TSHZ3: variants seen among roughly 807,000 people sequenced by gnomAD.
TSHZ3 encodes the protein teashirt homolog 3.
A neutral mutation model predicts 64.5 loss-of-function variants in TSHZ3; 10 were observed. The ratio of observed to expected loss-of-function variants is 0.16; its 90% confidence interval spans 0.10 to 0.26. The LOEUF (loss-of-function observed/expected upper bound fraction) is 0.26. Among genes scored for constraint, TSHZ3 ranks in the 10% least tolerant of loss-of-function variants. The pLI, the probability that TSHZ3 is intolerant of heterozygous loss-of-function variation, is 1.00. For synonymous variants in TSHZ3, 608 were observed against 593.1 expected (o/e 1.03, Z -0.36); for missense variants, 1,242 against 1,421.7 (o/e 0.87, Z 2.03).
At chr19:31,338,463 G>A (rs1474499143) in intron 1 of TSHZ3, among the ~76,000 whole-genome samples, 2 of 152,072 alleles carry the variant, frequency 1.3e-5, no homozygotes, top group South Asian at 2.1e-4. Flanking sequence ...TTCCTGAGAC[G>A]TGGAAGTCTT....
rs779231871 is a variant in TSHZ3 at position 31,276,735 on chromosome 19, G to C, written c.3058C>G (p.Gln1020Glu). 6.2e-7 allele frequency: 1 copy of C among 1,613,632 alleles called. No individual in the cohort carries two copies. The highest frequency in any genetic ancestry group is 1.1e-5 in the South Asian group (1 of 91,080). Residue 1020 changes from glutamine (Q) to glutamate (E), a missense_variant, in exon 2 of 2, where the codon CAA becomes GAA. Coordinates refer to ENST00000240587, the MANE Select transcript of TSHZ3 (RefSeq NM_020856.4). The stretch of plus-strand genomic sequence containing the variant: ...ATTTTTTCTGACGGTGACTTGGTTT[G>C]TGCTATCTGACTGTTAATCTGTTCG... ...STEQINSQIA[Q>E]TKSPSEKMVT...
intron 4 of TSHZ3, among the ~76,000 whole-genome samples, chr19:31,208,127 A>G (rs1444482683): frequency 6.6e-6 from 1 of 152,226 alleles, no homozygotes; most frequent in Admixed American, 6.5e-5. Context: ...ATGTTCCTCC[A>G]TCATATGGAG....
chr19:31,348,828 C>T (rs1436191513), intron 1 of TSHZ3: 4 of 257,036 alleles, frequency 1.6e-5, no homozygotes, highest in Non-Finnish European at 2.9e-5. Flanking sequence ...GAAGATGTCC[C>T]GGGGAACTCA....
intron 1 of TSHZ3, among the ~76,000 whole-genome samples, chr19:31,316,709 T>C (rs1263072956): frequency 6.6e-6 from 1 of 152,070 alleles, no homozygotes; most frequent in African/African-American, 2.4e-5. Context: ...GAAGGAAATG[T>C]TCAAGTGTCT....
chr19:31,182,355 A>G (rs1415700690), intron 5 of TSHZ3, among the ~76,000 whole-genome samples: 1 of 152,188 alleles, frequency 6.6e-6, no homozygotes, highest in Non-Finnish European at 1.5e-5. Context: ...AATCCCTCAG[A>G]CAATAATCCT....
At chr19:31,325,427 T>C (rs1236089318) in intron 1 of TSHZ3, among the ~76,000 whole-genome samples, 1 of 152,216 alleles carries the variant, frequency 6.6e-6, no homozygotes, top group African/African-American at 2.4e-5. Context: ...ATACAGGGAT[T>C]CATATGCTTT....
chr19:31,293,458 C>T (rs996675188), intron 1 of TSHZ3, among the ~76,000 whole-genome samples: 1 of 152,212 alleles, frequency 6.6e-6, no homozygotes. Flanking sequence ...GATAACTTTC[C>T]TTTGATCTTG....
intron 1 of TSHZ3, among the ~76,000 whole-genome samples, chr19:31,332,211 T>C (rs1194947759): frequency 1.3e-5 from 2 of 152,284 alleles, no homozygotes; most frequent in East Asian, 1.9e-4. Context: ...AACTTTATTA[T>C]TACATCTGGA....
chr19:31,188,134 A>G (rs1974842483), intron 5 of TSHZ3, among the ~76,000 whole-genome samples: 1 of 151,144 alleles, frequency 6.6e-6, no homozygotes, highest in Non-Finnish European at 1.5e-5. Flanking sequence ...TATTTTCTTA[A>G]GTATTTTTAT....
At chr19:31,343,235 TA>T (rs1917488047) in intron 1 of TSHZ3, among the ~76,000 whole-genome samples, 1 of 152,202 alleles carries the variant, frequency 6.6e-6, no homozygotes, top group South Asian at 2.1e-4. Flanking sequence ...ATTAATAATT[TA>T]TCATTAAGCC....
chr19:31,257,032 T>C (rs993396257), intron 1 of TSHZ3, among the ~76,000 whole-genome samples: 5 of 152,164 alleles, frequency 3.3e-5, no homozygotes, highest in Admixed American at 2.6e-4. Context: ...TCAGTCCTGT[T>C]GACAGCTGTG....
At chr19:31,179,328 A>C (rs2145124052) in intron 5 of TSHZ3, among the ~76,000 whole-genome samples, 1 of 152,330 alleles carries the variant, frequency 6.6e-6, no homozygotes, top group African/African-American at 2.4e-5. Context: ...GCCACTGTCC[A>C]TGGTGGCCCA....
At chr19:31,294,701 T>C (rs560530480) in intron 1 of TSHZ3, among the ~76,000 whole-genome samples, 2 of 152,210 alleles carry the variant, frequency 1.3e-5, no homozygotes, top group Non-Finnish European at 1.5e-5. Context: ...TATTGACTGG[T>C]TGGCATCACA....
chr19:31,239,205 A>G (rs1352410476), intron 3 of TSHZ3, among the ~76,000 whole-genome samples: 1 of 152,006 alleles, frequency 6.6e-6, no homozygotes, highest in Admixed American at 6.5e-5. Flanking sequence ...TATCCTTCCT[A>G]CAATTGCTAT....
At chr19:31,188,067 G>A (rs1371044100) in intron 5 of TSHZ3, among the ~76,000 whole-genome samples, 1 of 151,552 alleles carries the variant, frequency 6.6e-6, no homozygotes, top group East Asian at 1.9e-4. Context: ...ATTTATTTAG[G>A]TCTTCTTTAA....
At chr19:31,250,889 C>T (rs1975831028) in intron 1 of TSHZ3, among the ~76,000 whole-genome samples, 1 of 152,150 alleles carries the variant, frequency 6.6e-6, no homozygotes, top group Non-Finnish European at 1.5e-5. Context: ...AGTATCTCCT[C>T]GTGGGAAGAG....
At chr19:31,305,331 A>G (rs973937331) in intron 1 of TSHZ3, among the ~76,000 whole-genome samples, 3 of 151,388 alleles carry the variant, frequency 2.0e-5, no homozygotes, top group Non-Finnish European at 2.9e-5. Context: ...AAAAAAAAAA[A>G]GCCGCGTGTC....
chr19:31,224,908 C>T (rs1283787086), intron 4 of TSHZ3, among the ~76,000 whole-genome samples: 1 of 152,160 alleles, frequency 6.6e-6, no homozygotes, highest in Non-Finnish European at 1.5e-5. Context: ...TGGCAAATTA[C>T]CAGCCAGGAT....
intron 1 of TSHZ3, among the ~76,000 whole-genome samples, chr19:31,283,263 G>A (rs1420951374): frequency 6.6e-6 from 1 of 152,148 alleles, no homozygotes; most frequent in Admixed American, 6.5e-5. Flanking sequence ...GAACCCGGAG[G>A]TGGAGGGTGC....
Sources: allele counts gnomAD v4.1 joint callset (sites outside exome capture counted in the v4.1 genomes callset), GRCh38; gene constraint gnomAD v4.1.1; transcripts MANE v1.5; gene names NCBI Gene and HGNC (gene_info 2026-07-23, HGNC 2026-07-21).